Variants in ART3 observed in about 807,000 individuals in gnomAD.
ART3 encodes ADP-ribosyltransferase 3 (inactive).
Under a neutral mutation model 48.5 loss-of-function variants are expected in ART3, and 49 were observed. The observed-to-expected ratio is 1.01, with a 90% CI of 0.80 to 1.28. The LOEUF is 1.28. Ranked by LOEUF, ART3 falls within the 50% of genes most tolerant of loss-of-function variation. ART3 has a pLI of 0.00. For missense variants in ART3, 438 were observed against 454.3 expected (o/e 0.96, Z 0.33); for synonymous variants, 145 against 157.2 (o/e 0.92, Z 0.58).
intron 1 of ART3, among the ~76,000 whole-genome samples, chr4:76,065,135 T>G (rs536908292): frequency 7.2e-5 from 11 of 152,206 alleles, no homozygotes; most frequent in African/African-American, 2.2e-4. Context: ...GCCATAGTGG[T>G]GGTGAGTTCA....
chr4:76,030,419 A>G (rs1165277445), intron 1 of ART3, among the ~76,000 whole-genome samples: 1 of 152,220 alleles, frequency 6.6e-6, no homozygotes, highest in Non-Finnish European at 1.5e-5. Context: ...TGTACTTGTC[A>G]TTATATTTCT....
chr4:76,085,701 C>T (rs1234477510), intron 3 of ART3, among the ~76,000 whole-genome samples: 3 of 152,142 alleles, frequency 2.0e-5, no homozygotes, highest in Non-Finnish European at 4.4e-5. Context: ...CCCTGGAACA[C>T]TGTTGGTAGG....
In ART3 at chr4:76,081,850, A is replaced by T. The variant is rs1405440289; in HGVS notation, c.96A>T (p.Ala32=). 3.1e-6 allele frequency: 5 copies of T among 1,613,896 alleles called. No individual in the cohort carries two copies. Among genetic ancestry groups the T allele is most frequent in the Non-Finnish European group, 4.2e-6 (5 of 1,179,866 alleles). ...TGAAGGCTGAAGTGTTAGACATGGC[A>T]GATAATGCATTTGATGATGAATACC... ...FQVKAEVLDM[A]DNAFDDEYLK... The change falls in exon 3 of 12, where the codon GCA becomes GCT. Residue 32 remains alanine (A), a synonymous_variant. Coordinates refer to ENST00000355810, the MANE Select transcript of ART3 (RefSeq NM_001130016.3).
At position 76,082,243 on chromosome 4, in the gene ART3, A is replaced by G; in HGVS notation, c.489A>G (p.Arg163=). Residue 163 remains arginine, a synonymous_variant, in exon 3 of 12, where the codon AGA becomes AGG. Coordinates refer to ENST00000355810, the MANE Select transcript of ART3 (RefSeq NM_001130016.3). The part of the protein sequence containing the change: ...CEASSKTVVY[R]TSQGTSFTFG... The stretch of plus-strand genomic sequence containing the variant: ...CCAGTTCCAAAACTGTGGTATATAG[A>G]ACAAGCCAGGGCACTTCATTTACAT... 6.2e-7 allele frequency: 1 copy of G among 1,614,178 alleles called. No individual in the cohort carries two copies.
At chr4:76,051,363 C>T (rs13113632) in intron 1 of ART3, among the ~76,000 whole-genome samples, 89,055 of 151,888 alleles carry the variant, frequency 0.59, 26,963 homozygotes, top group East Asian at 0.94. Context: ...ATTAAAATAC[C>T]CGTCCCAGAA....
intron 1 of ART3, among the ~76,000 whole-genome samples, chr4:76,057,348 G>A (rs984305867): frequency 6.6e-6 from 1 of 152,170 alleles, no homozygotes; most frequent in East Asian, 1.9e-4. Flanking sequence ...GTGAAGTTTA[G>A]TTAACAATAT....
At chr4:76,032,608 C>G (rs6532101) in intron 1 of ART3, among the ~76,000 whole-genome samples, 86,838 of 138,654 alleles carry the variant, frequency 0.63, 27,718 homozygotes, top group East Asian at 0.94. Context: ...TTTTGAGGTG[C>G]AGTTTCACTC....
chr4:76,030,465 C>T (rs1371883673), intron 1 of ART3, among the ~76,000 whole-genome samples: 2 of 152,202 alleles, frequency 1.3e-5, no homozygotes, highest in African/African-American at 4.8e-5. Context: ...AGCCCTTCTT[C>T]TTTTTATGAT....
Position 76,082,337 on chromosome 4 carries a change from A to G in ART3, c.583A>G (p.Asn195Asp), listed in dbSNP as rs184073044. Residue 195 changes from asparagine (N) to aspartate (D), a missense_variant, in exon 3 of 12, where the codon AAT becomes GAT. Transcript: ENST00000355810. ...ATATTCAGCCAAACCTCAGGCTGCT[A>G]ATGACCAGCTCACTGTGTTATCCAT... ...LAYSAKPQAA[N>D]DQLTVLSIYT... The G allele has an allele frequency of 1.2e-5, 20 of 1,613,668 alleles. No homozygotes were observed. The Admixed American group carries it at 3.3e-4, about 27-fold the overall frequency.
intron 1 of ART3, among the ~76,000 whole-genome samples, chr4:76,053,677 A>G (rs1736349018): frequency 6.6e-6 from 1 of 152,240 alleles, no homozygotes; most frequent in Non-Finnish European, 1.5e-5. Flanking sequence ...GGTAAAATTC[A>G]AAGTCGCATA....
intron 1 of ART3, among the ~76,000 whole-genome samples, chr4:76,044,772 G>A (rs1186339871): frequency 1.3e-5 from 2 of 150,864 alleles, no homozygotes; most frequent in Non-Finnish European, 3.0e-5. Context: ...CTTCTTGCTG[G>A]TCTTTCCCTA....
At chr4:76,107,987 G>A (rs889561038) in intron 11 of ART3, among the ~76,000 whole-genome samples, 194 bp downstream of exon 11, 7 of 151,620 alleles carry the variant, frequency 4.6e-5, no homozygotes, top group Non-Finnish European at 7.4e-5. Context: ...TTGTTTTTTC[G>A]ATAATCGTTT....
In ART3 at chr4:76,108,124, A is replaced by G. The variant is rs141288423; in HGVS notation, c.1036+331A>G. Among the ~76,000 whole-genome samples, 475 of 151,972 alleles carry G rather than the reference A, an allele frequency of 3.1e-3. 2 individuals carry two copies. Among genetic ancestry groups the G allele is most frequent in the Non-Finnish European group, 5.0e-3 (338 of 67,958 alleles). On this transcript the variant is annotated intron_variant, in intron 11 of 11. Transcript: ENST00000355810. ...AAAAAGAACAGTGGTTCTCAACCCA[A>G]TTCTCCCTTTATAACAAGTATTTTA...
chr4:76,063,801 CA>C (rs1489204757), intron 1 of ART3, among the ~76,000 whole-genome samples: 2 of 152,098 alleles, frequency 1.3e-5, no homozygotes, highest in Non-Finnish European at 2.9e-5. Flanking sequence ...TGAATTTATA[CA>C]AATCTTTTAG....
chr4:76,050,276 CTGAGTGG>C (rs1735929897), intron 1 of ART3, among the ~76,000 whole-genome samples: 1 of 152,076 alleles, frequency 6.6e-6, no homozygotes, highest in Non-Finnish European at 1.5e-5. Context: ...ATTGGTAGAG[CTGAGTGG>C]TCTGTTTTGA....
chr4:76,111,372 T>C (rs58380268), intron 11 of ART3, among the ~76,000 whole-genome samples: 20,005 of 152,134 alleles, frequency 0.13, 1,539 homozygotes, highest in East Asian at 0.35. Flanking sequence ...TTGCTTGATA[T>C]ATAGATTCAG....
chr4:76,096,473 G>A (rs1726036951), intron 3 of ART3, among the ~76,000 whole-genome samples: 1 of 152,172 alleles, frequency 6.6e-6, no homozygotes, highest in Admixed American at 6.5e-5. Context: ...CCTATTGTAG[G>A]TAAAGAGGCT....
At chr4:76,052,506 A>G (rs1736210598) in intron 1 of ART3, among the ~76,000 whole-genome samples, 1 of 152,042 alleles carries the variant, frequency 6.6e-6, no homozygotes, top group East Asian at 1.9e-4. Flanking sequence ...TGTTACATGG[A>G]TATATTGCAT....
intron 1 of ART3, chr4:76,035,058 G>T: frequency 6.2e-7 from 1 of 1,612,984 alleles, no homozygotes; most frequent in Non-Finnish European, 8.5e-7. Context: ...TTGATTATAA[G>T]CCTTGCTTGC....
Sources: allele counts gnomAD v4.1 joint callset (sites outside exome capture counted in the v4.1 genomes callset), GRCh38; gene constraint gnomAD v4.1.1; transcripts MANE v1.5; gene names NCBI Gene and HGNC (gene_info 2026-07-23, HGNC 2026-07-21).